Variants in CNTNAP2 observed in about 807,000 individuals in gnomAD.
CNTNAP2 encodes contactin-associated protein-like 2.
Under a neutral mutation model 155.2 loss-of-function variants are expected in CNTNAP2, and 98 were observed. That is an observed-to-expected ratio of 0.63 (90% CI 0.54 to 0.75). CNTNAP2 has a LOEUF of 0.75. Ranked by LOEUF, CNTNAP2 falls within the 30% of genes least tolerant of loss-of-function variation. The pLI, the probability that CNTNAP2 is intolerant of heterozygous loss-of-function variation, is 0.00. For synonymous variants in CNTNAP2, 651 were observed against 631.2 expected, an observed-to-expected ratio of 1.03 and a Z score of -0.47; for missense variants, 1,727 against 1,688.1, an observed-to-expected ratio of 1.02 and a Z score of -0.40.
chr7:146,910,552 G>A (rs1796250730), intron 3 of CNTNAP2, among the ~76,000 whole-genome samples: 1 of 151,356 alleles, frequency 6.6e-6, no homozygotes, highest in African/African-American at 2.5e-5. Context: ...CAAGCATTGG[G>A]GAAAGGATTC....
chr7:147,117,060 A>G (rs111454658), intron 5 of CNTNAP2, among the ~76,000 whole-genome samples: 5 of 152,220 alleles, frequency 3.3e-5, no homozygotes, highest in African/African-American at 1.2e-4. Context: ...CTTTTCTTGT[A>G]GGGTGCCATG....
chr7:146,244,438 G>A (rs1431860261), intron 1 of CNTNAP2, among the ~76,000 whole-genome samples: 1 of 152,134 alleles, frequency 6.6e-6, no homozygotes, highest in Non-Finnish European at 1.5e-5. Flanking sequence ...AATGAGACTG[G>A]GGCCTAATAA....
intron 8 of CNTNAP2, among the ~76,000 whole-genome samples, chr7:147,283,614 T>C (rs890658345): frequency 2.3e-4 from 35 of 152,092 alleles, no homozygotes; most frequent in African/African-American, 8.4e-4. Context: ...TTTAACATTA[T>C]ATGTCATCTA....
chr7:147,022,808 C>T (rs987878494), intron 3 of CNTNAP2, among the ~76,000 whole-genome samples: 1 of 151,962 alleles, frequency 6.6e-6, no homozygotes, highest in South Asian at 2.1e-4. Context: ...AATTGGAAAA[C>T]AAACATGGGA....
At chr7:146,932,793 A>G (rs1406334917) in intron 3 of CNTNAP2, among the ~76,000 whole-genome samples, 5 of 152,252 alleles carry the variant, frequency 3.3e-5, no homozygotes, top group Admixed American at 6.5e-5. Context: ...TACACCAATA[A>G]CAGACAAACA....
intron 14 of CNTNAP2, among the ~76,000 whole-genome samples, chr7:147,934,700 A>G (rs1185493055): frequency 6.6e-6 from 1 of 152,256 alleles, no homozygotes; most frequent in African/African-American, 2.4e-5. Context: ...ACTTGGATCA[A>G]AGTAACCCTA....
intron 13 of CNTNAP2, among the ~76,000 whole-genome samples, chr7:147,797,035 T>C (rs1182837312): frequency 6.6e-6 from 1 of 152,184 alleles, no homozygotes; most frequent in African/African-American, 2.4e-5. Context: ...TCTTAAAGTT[T>C]GTGTTTTCAG....
intron 1 of CNTNAP2, among the ~76,000 whole-genome samples, chr7:146,740,235 A>T: frequency 6.9e-6 from 1 of 145,058 alleles, no homozygotes; most frequent in East Asian, 2.0e-4. Context: ...TTTTCTTTTG[A>T]TGCTCTCTAT....
At chr7:146,841,507 A>G (rs925434641) in intron 3 of CNTNAP2, among the ~76,000 whole-genome samples, 1 of 152,058 alleles carries the variant, frequency 6.6e-6, no homozygotes, top group African/African-American at 2.4e-5. Flanking sequence ...CTAACTTTCT[A>G]TGGTTTCTAA....
intron 21 of CNTNAP2, among the ~76,000 whole-genome samples, chr7:148,313,020 C>G (rs990765529): frequency 2.6e-5 from 4 of 151,670 alleles, no homozygotes; most frequent in Admixed American, 2.6e-4. Context: ...TAAAGTGTCT[C>G]GGCCTAATAA....
chr7:146,321,168 T>A (rs1426405889), intron 1 of CNTNAP2, among the ~76,000 whole-genome samples: 1 of 152,058 alleles, frequency 6.6e-6, no homozygotes, highest in African/African-American at 2.4e-5. Flanking sequence ...TGGGGTAAAA[T>A]AGGGTAGCCG....
intron 4 of CNTNAP2, among the ~76,000 whole-genome samples, chr7:147,065,886 G>A (rs896243644): frequency 1.3e-5 from 2 of 151,982 alleles, no homozygotes; most frequent in African/African-American, 4.8e-5. Flanking sequence ...ATTAAAATTA[G>A]GAGTTTTAAT....
chr7:147,881,800 C>T (rs1001713276), intron 13 of CNTNAP2, among the ~76,000 whole-genome samples: 12 of 152,002 alleles, frequency 7.9e-5, no homozygotes, highest in South Asian at 2.1e-4. Context: ...GGTGAAACCC[C>T]GTCTCTATTA....
intron 9 of CNTNAP2, among the ~76,000 whole-genome samples, chr7:147,372,849 G>A (rs1796369720): frequency 6.6e-6 from 1 of 151,968 alleles, no homozygotes; most frequent in Admixed American, 6.6e-5. Context: ...CCCAGCCAAT[G>A]GAAACCCACT....
At chr7:146,359,502 A>C (rs953705790) in intron 1 of CNTNAP2, among the ~76,000 whole-genome samples, 1 of 152,194 alleles carries the variant, frequency 6.6e-6, no homozygotes. Flanking sequence ...TTATTACCTT[A>C]GGGGAAGCCC....
At chr7:146,825,101 T>C (rs868800264) in intron 2 of CNTNAP2, among the ~76,000 whole-genome samples, 3 of 152,034 alleles carry the variant, frequency 2.0e-5, no homozygotes, top group Middle Eastern at 3.2e-3. Context: ...TATCCTAATG[T>C]TGTTAATGTT....
intron 12 of CNTNAP2, among the ~76,000 whole-genome samples, chr7:147,569,398 A>T (rs997721920): frequency 6.6e-6 from 1 of 152,060 alleles, no homozygotes; most frequent in Non-Finnish European, 1.5e-5. Flanking sequence ...AACAGTTTCT[A>T]TCCTATAGTA....
At chr7:146,929,090 C>T (rs538438780) in intron 3 of CNTNAP2, among the ~76,000 whole-genome samples, 7 of 152,210 alleles carry the variant, frequency 4.6e-5, no homozygotes, top group Non-Finnish European at 7.3e-5. Flanking sequence ...AGCAGTGGCT[C>T]TCCCAGCATG....
chr7:146,505,109 G>A (rs143740231), intron 1 of CNTNAP2, among the ~76,000 whole-genome samples: 368 of 152,268 alleles, frequency 2.4e-3, no homozygotes, highest in African/African-American at 8.4e-3. Context: ...ATCCAAAGCT[G>A]CCCATGTTGC....
Sources: gnomAD v4.1 joint callset for allele counts (sites outside exome capture counted in the v4.1 genomes callset) on GRCh38, gnomAD v4.1.1 for gene constraint, MANE v1.5 for transcripts, NCBI Gene and HGNC (gene_info 2026-07-23, HGNC 2026-07-21) for gene names.